The following TARS3 variants were observed in gnomAD, a reference collection of about 807,000 sequenced individuals.
The protein encoded by TARS3 is threonyl-tRNA synthetase 3.
Under a neutral mutation model 103.5 loss-of-function variants are expected in TARS3, and 94 were observed. That is an observed-to-expected ratio of 0.91 (90% confidence interval 0.77 to 1.08). TARS3 has a LOEUF of 1.08. Ranked by LOEUF, TARS3 falls within the 50% of genes least tolerant of loss-of-function variation. The probability of loss-of-function intolerance (pLI) is 0.00; values close to 1 mark genes in which losing one functional copy is unlikely to be tolerated. For missense variants in TARS3, 952 were observed against 995.2 expected, an observed-to-expected ratio of 0.96 and a Z score of 0.58; for synonymous variants, 416 against 355.4, an observed-to-expected ratio of 1.17 and a Z score of -1.92.
chr15:101,711,246 C>G (rs1381108942), intron 5 of TARS3, among the ~76,000 whole-genome samples: 1 of 152,154 alleles, frequency 6.6e-6, no homozygotes, highest in African/African-American at 2.4e-5. Flanking sequence ...AAAAAGAAAA[C>G]AATCTTAGAA....
At chr15:101,701,538 G>C (rs922400654) in intron 9 of TARS3, among the ~76,000 whole-genome samples, 1 of 152,176 alleles carries the variant, frequency 6.6e-6, no homozygotes, top group Non-Finnish European at 1.5e-5. Flanking sequence ...GCTGCCTACT[G>C]AGAGCCTATC....
At position 101,675,897 on chromosome 15, in the gene TARS3, G is replaced by A. The variant is rs140966071; in HGVS notation, c.1651-160C>T. Among the ~76,000 whole-genome samples, 409 of 152,306 alleles carry A rather than the reference G, an allele frequency of 2.7e-3. 2 individuals are homozygous for A. Among genetic ancestry groups the A allele is most frequent in the African/African-American group, 9.3e-3 (387 of 41,552 alleles). ...TTATCCAATCCTGAGCTGAACCTTCGTTTGAGTGCTAGGCACGTGCAGGGA... is the reference window on the plus strand; with the variant it reads ...TTATCCAATCCTGAGCTGAACCTTCATTTGAGTGCTAGGCACGTGCAGGGA... On this transcript the variant is annotated intron_variant, in intron 12 of 18. Transcript: ENST00000335968.
At chr15:101,705,578 A>T in intron 7 of TARS3, 105 bp downstream of exon 7, 1 of 871,060 alleles carries the variant, frequency 1.1e-6, no homozygotes, top group Non-Finnish European at 1.9e-6. Flanking sequence ...ATTATCAACT[A>T]CACAACTTGA....
At chr15:101,678,063 C>T (rs1266895533) in intron 12 of TARS3, among the ~76,000 whole-genome samples, 1 of 151,448 alleles carries the variant, frequency 6.6e-6, no homozygotes, top group African/African-American at 2.4e-5. Flanking sequence ...TCACTGCAAC[C>T]TCTGCCTCCC....
intron 12 of TARS3, among the ~76,000 whole-genome samples, chr15:101,676,430 C>G (rs1898028707): frequency 6.6e-6 from 1 of 152,138 alleles, no homozygotes; most frequent in Non-Finnish European, 1.5e-5. Flanking sequence ...AGAGAGGCAG[C>G]TGAAATGCAG....
Position 101,702,340 on chromosome 15 carries a change from G to A in TARS3, c.1120C>T (p.Gln374Ter). 1 of 1,613,720 alleles carries A rather than the reference G, an allele frequency of 6.2e-7. No individual in the cohort carries two copies. Among genetic ancestry groups the A allele is most frequent in the Non-Finnish European group, 8.5e-7 (1 of 1,179,688 alleles). ...WEGNPEMETL[Q>*]RIYGISFPDN... Reference sequence around the variant, plus strand: ...GGAAAGGATATTCCATAGATCCTCTGCAATGTTTCCATTTCCGGATTGCCC... The same window carrying A: ...GGAAAGGATATTCCATAGATCCTCTACAATGTTTCCATTTCCGGATTGCCC... The change falls in exon 9 of 19, where the codon CAG becomes TAG. Residue 374 changes from glutamine (Q) to a stop codon, truncating the protein, a stop_gained. Transcript: ENST00000335968. LOFTEE classifies it high-confidence loss of function.
intron 10 of TARS3, among the ~76,000 whole-genome samples, chr15:101,695,208 A>G (rs1007032632): frequency 1.3e-5 from 2 of 152,212 alleles, no homozygotes; most frequent in African/African-American, 4.8e-5. Flanking sequence ...CTTCTGCCAC[A>G]GTCAAGATAT....
At chr15:101,678,615 A>G (rs1156880160) in intron 12 of TARS3, among the ~76,000 whole-genome samples, 2 of 152,086 alleles carry the variant, frequency 1.3e-5, no homozygotes, top group Non-Finnish European at 2.9e-5. Flanking sequence ...ACCTTACCCC[A>G]TTTATAGTAT....
intron 6 of TARS3, 33 bp downstream of exon 6, chr15:101,708,760 C>T: frequency 7.3e-7 from 1 of 1,371,062 alleles, no homozygotes; most frequent in Non-Finnish European, 1.0e-6. Context: ...TTTAATATTC[C>T]TAGTAAGAGG....
At position 101,684,249 on chromosome 15, in the gene TARS3, G is replaced by A; in HGVS notation, c.1488-12C>T. 2 of 1,612,224 alleles carry A rather than the reference G, an allele frequency of 1.2e-6. No individual in the cohort carries two copies. The highest frequency in any genetic ancestry group is 2.2e-5 in the South Asian group (2 of 90,750). On this transcript the variant is annotated splice_polypyrimidine_tract_variant and intron_variant, in intron 11 of 18. Coordinates refer to ENST00000335968, the MANE Select transcript of TARS3 (RefSeq NM_152334.3). ...GGGCAAACATTAGACTAGAAAAGAT[G>A]TGGTAACACACAGCTTTTACACAGC... is the stretch of plus-strand genomic sequence containing the variant.
At chr15:101,718,254 A>C (rs1280402058) in intron 3 of TARS3, among the ~76,000 whole-genome samples, 4 of 151,744 alleles carry the variant, frequency 2.6e-5, no homozygotes. Context: ...TGTAATCTCA[A>C]CTACTCGGGA....
chr15:101,669,587 A>C (rs1234555902), intron 15 of TARS3, among the ~76,000 whole-genome samples: 1 of 152,172 alleles, frequency 6.6e-6, no homozygotes, highest in African/African-American at 2.4e-5. Flanking sequence ...AAACAACTGT[A>C]CCATTTTTTA....
chr15:101,715,112 A>G, intron 3 of TARS3, 149 bp from the exon 4 acceptor site: 1 of 711,774 alleles, frequency 1.4e-6, no homozygotes, highest in Non-Finnish European at 2.0e-6. Flanking sequence ...TTGTTTTGCA[A>G]TATTTATTTT....
intron 15 of TARS3, 137 bp downstream of exon 15, chr15:101,671,349 T>A (rs763484981): frequency 1.7e-5 from 11 of 636,330 alleles, no homozygotes; most frequent in Admixed American, 3.2e-5. Flanking sequence ...TGGATTATGA[T>A]CAGGTAAACA....
chr15:101,721,277 C>T lies in TARS3; in HGVS notation c.415G>A (p.Glu139Lys), dbSNP rs1401567880. The T allele has an allele frequency of 1.2e-6, 2 of 1,613,146 alleles. No individual in the cohort carries two copies. Among genetic ancestry groups the T allele is most frequent in the South Asian group, 1.1e-5 (1 of 91,030 alleles). The change falls in exon 3 of 19, where the codon GAA (glutamate) becomes AAA (lysine). Residue 139 changes from glutamate (E) to lysine (K), a missense_variant. Glu to Lys is a moderately conservative substitution (Grantham distance 56, BLOSUM62 1). Transcript: ENST00000335968. ...AGCTGATGGTCTTTCTTCAGTATTTCAAAAAGCTTCAATCTTTCTTTTATG... is the reference window on the plus strand; with the variant it reads ...AGCTGATGGTCTTTCTTCAGTATTTTAAAAAGCTTCAATCTTTCTTTTATG... ...IFIKERLKLF[E>K]ILKKDHQLLL...
rs537675859 is a variant in TARS3 at position 101,683,267 on chromosome 15, G to A, written c.1650+808C>T. ...TAAACATCCCTCTACCACTTAAATC[G>A]CATCCTACAAATTTTGATGTGTTTT... On this transcript the variant is annotated intron_variant, in intron 12 of 18. Coordinates refer to ENST00000335968, the MANE Select transcript of TARS3 (RefSeq NM_152334.3). 2.8e-4 allele frequency among the ~76,000 whole-genome samples: 42 copies of A among 151,984 alleles called. 1 individual carries two copies. In the South Asian group the frequency reaches 7.9e-3, roughly 29 times the overall value.
At chr15:101,700,935 T>A (rs1278500788) in intron 10 of TARS3, 151 bp downstream of exon 10, 1 of 541,762 alleles carries the variant, frequency 1.8e-6, no homozygotes, top group Non-Finnish European at 3.2e-6. Flanking sequence ...AGCCACCGTG[T>A]CTGGCCAGTA....
Position 101,654,148 on chromosome 15 carries a change from A to G in TARS3, c.*434T>C, listed in dbSNP as rs566133313. On this transcript the variant is annotated 3_prime_UTR_variant, in exon 19 of 19. Coordinates refer to ENST00000335968, the MANE Select transcript of TARS3 (RefSeq NM_152334.3). The stretch of plus-strand genomic sequence containing the variant: ...TTAAGTAATGATTCCAGTTTAGAAG[A>G]TAAAGTTTCAGTGTGAATTTTAGTA... 1.8e-4 allele frequency: 28 copies of G among 155,898 alleles called. No homozygotes were observed. The highest frequency in any genetic ancestry group is 3.8e-4 in the Non-Finnish European group (27 of 70,794). 9.7% of individuals were successfully genotyped at this position (155,898 alleles called of 1,614,324 possible).
At chr15:101,679,697 T>G (rs1361131825) in intron 12 of TARS3, among the ~76,000 whole-genome samples, 1 of 152,200 alleles carries the variant, frequency 6.6e-6, no homozygotes, top group Non-Finnish European at 1.5e-5. Flanking sequence ...TGATTTTCAA[T>G]TTCTTAAACC....
Sources: gnomAD v4.1 joint callset for allele counts (sites outside exome capture counted in the v4.1 genomes callset) on GRCh38, gnomAD v4.1.1 for gene constraint, MANE v1.5 for transcripts, NCBI Gene and HGNC (gene_info 2026-07-23, HGNC 2026-07-21) for gene names.